The following GPC6 variants were observed in gnomAD, a reference collection of about 807,000 sequenced individuals.
The protein encoded by GPC6 is glypican 6.
In GPC6, 14 loss-of-function variants were observed where a neutral mutation model predicts 55.2. The ratio of observed to expected loss-of-function variants is 0.25; its 90% CI spans 0.17 to 0.40. The LOEUF is 0.40. Ranked by LOEUF, GPC6 falls within the 10% of genes least tolerant of loss-of-function variation. The pLI is 1.00. For missense variants in GPC6, 641 were observed against 708.5 expected (o/e 0.90, Z 1.08); for synonymous variants, 278 against 259.6 (o/e 1.07, Z -0.68).
intron 1 of GPC6, among the ~76,000 whole-genome samples, chr13:93,532,039 C>A (rs1881888839): frequency 6.6e-6 from 1 of 152,214 alleles, no homozygotes; most frequent in Non-Finnish European, 1.5e-5. Flanking sequence ...CTACAGATGT[C>A]AAATTTCCCT....
intron 4 of GPC6, among the ~76,000 whole-genome samples, chr13:94,147,953 T>G (rs1205587080): frequency 6.6e-6 from 1 of 152,226 alleles, no homozygotes; most frequent in Admixed American, 6.5e-5. Context: ...TTTACTCAAG[T>G]ACTCTGTGGC....
intron 4 of GPC6, among the ~76,000 whole-genome samples, chr13:94,075,348 C>A (rs1003008404): frequency 6.6e-6 from 1 of 152,078 alleles, no homozygotes; most frequent in Non-Finnish European, 1.5e-5. Flanking sequence ...GATACCATAA[C>A]CCAATCAAGG....
chr13:93,806,004 T>C (rs1172668201), intron 2 of GPC6, among the ~76,000 whole-genome samples: 1 of 152,244 alleles, frequency 6.6e-6, no homozygotes, highest in Non-Finnish European at 1.5e-5. Context: ...TAGGTCACTG[T>C]GCTCTCCTTC....
intron 1 of GPC6, among the ~76,000 whole-genome samples, chr13:93,324,291 G>T (rs1441601604): frequency 6.6e-6 from 1 of 151,910 alleles, no homozygotes; most frequent in Non-Finnish European, 1.5e-5. Context: ...GGTTACCAGA[G>T]GCTGGGAATG....
At chr13:93,811,113 C>T (rs1886682286) in intron 2 of GPC6, among the ~76,000 whole-genome samples, 1 of 152,120 alleles carries the variant, frequency 6.6e-6, no homozygotes, top group South Asian at 2.1e-4. Flanking sequence ...TGGATGGGCA[C>T]AGATTCAGGA....
At chr13:93,700,408 C>T (rs1281012622) in intron 2 of GPC6, among the ~76,000 whole-genome samples, 1 of 152,044 alleles carries the variant, frequency 6.6e-6, no homozygotes, top group Non-Finnish European at 1.5e-5. Context: ...TGTAAACCTA[C>T]CCTGCTCCTC....
At chr13:93,281,866 G>A (rs1877962560) in intron 1 of GPC6, among the ~76,000 whole-genome samples, 1 of 152,058 alleles carries the variant, frequency 6.6e-6, no homozygotes, top group African/African-American at 2.4e-5. Context: ...CACCTATTCT[G>A]AAACCACTGA....
At chr13:93,683,381 T>A (rs1430948663) in intron 2 of GPC6, among the ~76,000 whole-genome samples, 1 of 152,098 alleles carries the variant, frequency 6.6e-6, no homozygotes, top group African/African-American at 2.4e-5. Context: ...CAATTTATGA[T>A]ACTGAATTTA....
At chr13:94,182,442 T>C (rs1289348903) in intron 4 of GPC6, among the ~76,000 whole-genome samples, 2 of 152,148 alleles carry the variant, frequency 1.3e-5, no homozygotes, top group Non-Finnish European at 2.9e-5. Context: ...GGAGCTGAAC[T>C]TTTGTGCTTC....
chr13:93,300,579 C>T lies in GPC6; in HGVS notation c.160+72963C>T, dbSNP rs1337353354. Among the ~76,000 whole-genome samples the T allele has an allele frequency of 2.2e-4, 32 of 144,446 alleles. 1 individual carries two copies. The highest frequency in any genetic ancestry group is 2.1e-4 in the Non-Finnish European group (14 of 67,110). The allele number at this position is 144,446 out of a possible 152,430, so 94.8% of individuals were successfully genotyped here. ...AGGAGAATGGTGTGAACCCGGGAGG[C>T]GGAGCTTGCAGTGAGCTGAGATCAC... On this transcript the variant is annotated intron_variant, in intron 1 of 8. Transcript: ENST00000377047.
chr13:93,738,235 CATT>C (rs1332957471), intron 2 of GPC6, among the ~76,000 whole-genome samples: 1 of 150,106 alleles, frequency 6.7e-6, no homozygotes, highest in Non-Finnish European at 1.5e-5. Flanking sequence ...TTATTATTAT[CATT>C]ATTATATTTT....
chr13:93,804,135 TGATA>T (rs746480817), intron 2 of GPC6, among the ~76,000 whole-genome samples: 61 of 152,268 alleles, frequency 4.0e-4, no homozygotes, highest in African/African-American at 7.7e-4. Context: ...ATAAATTGAT[TGATA>T]GATAGATATA....
chr13:93,429,293 T>C (rs891975422), intron 1 of GPC6, among the ~76,000 whole-genome samples: 3 of 152,098 alleles, frequency 2.0e-5, no homozygotes, highest in African/African-American at 7.2e-5. Flanking sequence ...AATCCCTCCT[T>C]AATGAGATTT....
intron 2 of GPC6, among the ~76,000 whole-genome samples, chr13:93,589,649 G>GA: frequency 6.6e-6 from 1 of 152,248 alleles, no homozygotes; most frequent in South Asian, 2.1e-4. Flanking sequence ...TAAAGTCTGG[G>GA]AAAATCACAT....
chr13:93,894,120 C>T (rs1224781869), intron 3 of GPC6, among the ~76,000 whole-genome samples: 3 of 152,118 alleles, frequency 2.0e-5, no homozygotes, highest in African/African-American at 7.2e-5. Context: ...TTTGTTTCTT[C>T]TGGAAAACTA....
At chr13:94,340,370 A>C (rs187424320) in intron 6 of GPC6, among the ~76,000 whole-genome samples, 258 of 152,366 alleles carry the variant, frequency 1.7e-3, no homozygotes, top group African/African-American at 5.9e-3. Flanking sequence ...ATCAAGAATT[A>C]GAAATTAAAA....
chr13:93,781,634 G>A lies in GPC6; in HGVS notation c.320-48520G>A, dbSNP rs541916184. 2.6e-5 allele frequency among the ~76,000 whole-genome samples: 4 copies of A among 152,252 alleles called. No homozygotes were observed. In the South Asian group the frequency reaches 8.3e-4, roughly 32 times the overall value. ...TGAAATCAGAAATGATTTTATGGGAGAGTTCCACAGATTAAGATAATGTGA... is the reference window on the plus strand; with the variant it reads ...TGAAATCAGAAATGATTTTATGGGAAAGTTCCACAGATTAAGATAATGTGA... On this transcript the variant is annotated intron_variant, in intron 2 of 8. Coordinates refer to ENST00000377047, the MANE Select transcript of GPC6 (RefSeq NM_005708.5).
chr13:93,230,283 C>T (rs1875962022), intron 1 of GPC6, among the ~76,000 whole-genome samples: 1 of 152,050 alleles, frequency 6.6e-6, no homozygotes, highest in Non-Finnish European at 1.5e-5. Flanking sequence ...AAGTTTTACT[C>T]AGAACTCACA....
chr13:93,722,889 C>T (rs1283578554), intron 2 of GPC6, among the ~76,000 whole-genome samples: 1 of 151,768 alleles, frequency 6.6e-6, no homozygotes, highest in Non-Finnish European at 1.5e-5. Context: ...GTCTCTTCTC[C>T]TCTTCTTGTA....
Sources: gnomAD v4.1 joint callset for allele counts (sites outside exome capture counted in the v4.1 genomes callset) on GRCh38, gnomAD v4.1.1 for gene constraint, MANE v1.5 for transcripts, NCBI Gene and HGNC (gene_info 2026-07-23, HGNC 2026-07-21) for gene names.